SLC6A13: variants seen among roughly 807,000 people sequenced by gnomAD.
SLC6A13 encodes the protein sodium- and chloride-dependent GABA transporter 2.
SLC6A13 carries 69 observed loss-of-function variants against 72.9 expected under a neutral mutation model. The observed-to-expected ratio is 0.95, with a 90% CI of 0.78 to 1.16. The LOEUF (loss-of-function observed/expected upper bound fraction) is 1.16, where lower values mean the gene tolerates loss of function less well. Among genes scored for constraint, SLC6A13 ranks in the 50% most tolerant of loss-of-function variants. The pLI, the probability that SLC6A13 is intolerant of heterozygous loss-of-function variation, is 0.00. For synonymous variants in SLC6A13, 303 were observed against 303.0 expected (o/e 1.00, Z 0.00); for missense variants, 735 against 760.5 (o/e 0.97, Z 0.39).
intron 7 of SLC6A13, among the ~76,000 whole-genome samples, chr12:234,499 C>A (rs183757255): frequency 1.4e-5 from 2 of 147,824 alleles, no homozygotes; most frequent in East Asian, 2.1e-4. Flanking sequence ...TATTTTATTT[C>A]ATTTTATTTT....
intron 7 of SLC6A13, among the ~76,000 whole-genome samples, chr12:231,407 C>T (rs375719085): frequency 1.8e-4 from 27 of 152,194 alleles, no homozygotes; most frequent in Non-Finnish European, 2.5e-4. Flanking sequence ...AAGTGCCAGG[C>T]GAATGCCAGT....
chr12:242,780 TA>T, intron 3 of SLC6A13, 26 bp from the exon 4 acceptor site: 1 of 1,561,774 alleles, frequency 6.4e-7, no homozygotes. Flanking sequence ...AGAATTGGGC[TA>T]GGAACGGTGG....
intron 6 of SLC6A13, 113 bp downstream of exon 6, chr12:237,045 G>A: frequency 2.6e-6 from 3 of 1,167,632 alleles, no homozygotes; most frequent in East Asian, 2.3e-5. Context: ...AATCCTCGCT[G>A]GGTCATCGCC....
chr12:222,869 A>T (rs1941272635), intron 12 of SLC6A13, among the ~76,000 whole-genome samples: 1 of 152,208 alleles, frequency 6.6e-6, no homozygotes, highest in African/African-American at 2.4e-5. Flanking sequence ...CGAGGTTGTC[A>T]AAAGCTGAAA....
At chr12:228,209 A>G (rs75018341) in intron 7 of SLC6A13, among the ~76,000 whole-genome samples, 4,293 of 152,074 alleles carry the variant, frequency 0.028, 206 homozygotes, top group African/African-American at 0.098. Context: ...AGGGCTTTGT[A>G]CTCCTTGGGA....
chr12:261,686 G>T (rs781522439), intron 1 of SLC6A13, among the ~76,000 whole-genome samples: 13 of 152,176 alleles, frequency 8.5e-5, no homozygotes, highest in Non-Finnish European at 1.6e-4. Flanking sequence ...CAGCACTTGG[G>T]AGGCCGAGGC....
intron 2 of SLC6A13, among the ~76,000 whole-genome samples, chr12:251,790 CAA>C (rs35885299): frequency 3.6e-5 from 5 of 139,702 alleles, no homozygotes; most frequent in Non-Finnish European, 6.2e-5. Context: ...TCGTCTCTAC[CAA>C]AAAAAAAAAA....
chr12:237,246 G>GC lies in SLC6A13; in HGVS notation c.607dup (p.Ala203GlyfsTer147), dbSNP rs1941967799. ...GCACAGAGCCAGCTCCCAGCGCAGG[G>GC]CCCCCAGGTGCTGGATCCCATCAGA... On this transcript the variant is annotated frameshift_variant, in exon 6 of 15. Transcript: ENST00000343164. LOFTEE classifies it high-confidence loss of function. 1 of 1,614,020 alleles carries GC rather than the reference G, an allele frequency of 6.2e-7. No homozygotes were observed. Among genetic ancestry groups the GC allele is most frequent in the South Asian group, 1.1e-5 (1 of 91,090 alleles).
rs1941256438 is a variant in SLC6A13 at position 222,546 on chromosome 12, G to A, written c.1501C>T (p.Pro501Ser). Reference protein sequence around the residue: ...LIKYCWLFLTPAVCTATFLFS... With the variant: ...LIKYCWLFLTSAVCTATFLFS... ...AATGATCTTACTGTGCACACAGCTGGTGTGAGGAAGAGCCAACAGTATTTG... is the reference window on the plus strand; with the variant it reads ...AATGATCTTACTGTGCACACAGCTGATGTGAGGAAGAGCCAACAGTATTTG... Residue 501 changes from proline to serine, a missense_variant, in exon 13 of 15, where the codon CCA becomes TCA. By Grantham distance (74) the Pro-to-Ser change is moderately conservative (BLOSUM62 -1). Coordinates refer to ENST00000343164, the MANE Select transcript of SLC6A13 (RefSeq NM_016615.5). The A allele has an allele frequency of 6.2e-7, 1 of 1,603,258 alleles. No individual in the cohort carries two copies. The highest frequency in any genetic ancestry group is 1.3e-5 in the African/African-American group (1 of 74,748).
chr12:226,371 C>T lies in SLC6A13; in HGVS notation c.1060+19G>A, dbSNP rs200232184. ...TTGAACCAGGCTCACTGCCTCCAGG[C>T]CTCCCCAGTAACACTCACCTGACTC... is the stretch of plus-strand genomic sequence containing the variant. On this transcript the variant is annotated intron_variant, in intron 9 of 14. Coordinates refer to ENST00000343164, the MANE Select transcript of SLC6A13 (RefSeq NM_016615.5). The T allele has an allele frequency of 1.9e-6, 3 of 1,613,440 alleles. No homozygotes were observed. Among genetic ancestry groups the T allele is most frequent in the Non-Finnish European group, 2.5e-6 (3 of 1,179,540 alleles).
In SLC6A13 at chr12:260,071, G is replaced by A; in HGVS notation, c.-5-14C>T. ...TATCCATCCCACCTGGAAAACAAGTGGGATGCTCTGTTACTGTTGGGAACC... is the reference window on the plus strand; with the variant it reads ...TATCCATCCCACCTGGAAAACAAGTAGGATGCTCTGTTACTGTTGGGAACC... On this transcript the variant is annotated splice_polypyrimidine_tract_variant and intron_variant, in intron 1 of 14. Transcript: ENST00000343164. 6.2e-7 allele frequency: 1 copy of A among 1,608,990 alleles called. No homozygotes were observed. The highest frequency in any genetic ancestry group is 8.5e-7 in the Non-Finnish European group (1 of 1,176,232).
chr12:228,510 G>A (rs140369883), intron 7 of SLC6A13, among the ~76,000 whole-genome samples: 9 of 152,240 alleles, frequency 5.9e-5, no homozygotes, highest in Non-Finnish European at 1.2e-4. Context: ...AAAGGGCGCC[G>A]GATGACCCGT....
At position 243,696 on chromosome 12, in the gene SLC6A13, A is replaced by G; in HGVS notation, c.320T>C (p.Ile107Thr). The G allele has an allele frequency of 6.2e-7, 1 of 1,614,134 alleles. No homozygotes were observed. The highest frequency in any genetic ancestry group is 2.2e-5 in the East Asian group (1 of 44,886). The part of the protein sequence containing the change: ...SQGGVTAWRK[I>T]CPIFEGIGYA... ...CTACTCACCCTCAAAGATGGGGCAG[A>G]TCTTCCTCCAGGCTGTGACGCCTCC... The change falls in exon 3 of 15, where the codon ATC becomes ACC. Residue 107 changes from isoleucine (I) to threonine (T), a missense_variant. Transcript: ENST00000343164.
In SLC6A13 at chr12:237,974, AG is replaced by A; in HGVS notation, c.514del (p.Leu172Ter). ...CMEFQKTNGS[L>X]NGTSENATSP... The stretch of plus-strand genomic sequence containing the variant: ...GGTGGCATTCTCAGAGGTACCATTC[AG>A]GGAGCCGTTGGTCTTCTGGAACTCC... On this transcript the variant is annotated frameshift_variant, in exon 5 of 15. Coordinates refer to ENST00000343164, the MANE Select transcript of SLC6A13 (RefSeq NM_016615.5). LOFTEE classifies it high-confidence loss of function. The A allele has an allele frequency of 6.2e-7, 1 of 1,614,132 alleles. No homozygotes were observed. Among genetic ancestry groups the A allele is most frequent in the Non-Finnish European group, 8.5e-7 (1 of 1,179,978 alleles).
rs750923604 is a variant in SLC6A13 at position 259,922 on chromosome 12, G to A, written c.131C>T (p.Ser44Leu). 6.2e-7 allele frequency: 1 copy of A among 1,614,226 alleles called. No individual in the cohort carries two copies. The highest frequency in any genetic ancestry group is 1.1e-5 in the South Asian group (1 of 91,082). ...TAAGCCAATGATCTCCCCAGCCACT[G>A]ACAGCACAAACTCCATCTTGTTGTT... is the stretch of plus-strand genomic sequence containing the variant. ...HWNNKMEFVLSVAGEIIGLGN... is the reference protein window; with the variant it reads ...HWNNKMEFVLLVAGEIIGLGN... The change falls in exon 2 of 15, where the codon TCA becomes TTA. Residue 44 changes from serine to leucine, a missense_variant. Physicochemically the swap from Ser to Leu is moderately radical, Grantham distance 145. Transcript: ENST00000343164.
intron 2 of SLC6A13, among the ~76,000 whole-genome samples, chr12:244,554 G>A (rs1680006142): frequency 6.6e-6 from 1 of 152,118 alleles, no homozygotes; most frequent in Admixed American, 6.6e-5. Flanking sequence ...TCTGGGCATG[G>A]CTGTGTGTGC....
At chr12:260,944 A>G (rs1001079137) in intron 1 of SLC6A13, among the ~76,000 whole-genome samples, 8 of 152,314 alleles carry the variant, frequency 5.3e-5, no homozygotes, top group African/African-American at 1.9e-4. Flanking sequence ...CTGTCAAAGG[A>G]TTGGGAGAGG....
chr12:240,652 A>G (rs1482352627), intron 4 of SLC6A13, among the ~76,000 whole-genome samples: 1 of 152,268 alleles, frequency 6.6e-6, no homozygotes, highest in African/African-American at 2.4e-5. Context: ...CTAGTGGGAA[A>G]ACCAAATCAA....
Position 226,674 on chromosome 12 carries a change from C to T in SLC6A13, c.936-160G>A, listed in dbSNP as rs916025830. ...CTACCTGGCAGAATTCAGAGGACCA[C>T]GCAAAGCACTGGCTCTCCTCCGACA... is the stretch of plus-strand genomic sequence containing the variant. On this transcript the variant is annotated intron_variant, in intron 8 of 14. Coordinates refer to ENST00000343164, the MANE Select transcript of SLC6A13 (RefSeq NM_016615.5). 19 of 803,416 alleles carry T rather than the reference C, an allele frequency of 2.4e-5. 1 individual carries two copies. The highest frequency in any genetic ancestry group is 1.2e-4 in the Admixed American group (4 of 32,692). 49.8% of individuals were successfully genotyped at this position (803,416 alleles called of 1,614,324 possible).
Sources: gnomAD v4.1 joint callset for allele counts (sites outside exome capture counted in the v4.1 genomes callset) on GRCh38, gnomAD v4.1.1 for gene constraint, MANE v1.5 for transcripts, NCBI Gene and HGNC (gene_info 2026-07-23, HGNC 2026-07-21) for gene names.